The following PTPRG variants were observed in gnomAD, a reference collection of about 807,000 sequenced individuals.
PTPRG encodes the protein protein tyrosine phosphatase receptor type G, also known as receptor-type tyrosine-protein phosphatase gamma.
A neutral mutation model predicts 165.3 loss-of-function variants in PTPRG; 102 were observed. That is an observed-to-expected ratio of 0.62 (90% CI 0.53 to 0.73). PTPRG has a LOEUF of 0.73. PTPRG is among the 30% of genes least tolerant of loss of function. PTPRG has a pLI of 0.00. For synonymous variants in PTPRG, 675 were observed against 669.5 expected (o/e 1.01, Z -0.13); for missense variants, 1,866 against 1,861.4 (o/e 1.00, Z -0.05).
At chr3:61,772,026 C>T (rs1355945105) in intron 2 of PTPRG, among the ~76,000 whole-genome samples, 1 of 144,116 alleles carries the variant, frequency 6.9e-6, no homozygotes, top group Non-Finnish European at 1.5e-5. Flanking sequence ...TGCCTCTGCA[C>T]TCCAGCCTGG....
chr3:61,564,184 C>G lies in PTPRG; in HGVS notation c.85+1812C>G, dbSNP rs186800471. Among the ~76,000 whole-genome samples, 658 of 152,350 alleles carry G rather than the reference C, an allele frequency of 4.3e-3. 5 individuals are homozygous for G. The highest frequency in any genetic ancestry group is 6.8e-3 in the Non-Finnish European group (460 of 68,034). On this transcript the variant is annotated intron_variant, in intron 1 of 29. Coordinates refer to ENST00000474889, the MANE Select transcript of PTPRG (RefSeq NM_002841.4). ...ACTGCTCAGTATTTGGGTTAATCAT[C>G]TCTCCTTTCTAGTCTCCCCTGCTTT... is the stretch of plus-strand genomic sequence containing the variant.
At chr3:62,264,806 G>A (rs1206900872) in intron 17 of PTPRG, among the ~76,000 whole-genome samples, 4 of 152,008 alleles carry the variant, frequency 2.6e-5, no homozygotes, top group East Asian at 1.9e-4. Context: ...TGGTGTATAC[G>A]TAGGAGTAGA....
intron 1 of PTPRG, among the ~76,000 whole-genome samples, chr3:61,684,897 A>T (rs1703571555): frequency 6.6e-6 from 1 of 152,150 alleles, no homozygotes; most frequent in Non-Finnish European, 1.5e-5. Flanking sequence ...GATATCTGTC[A>T]CCAGAGACAC....
chr3:61,605,703 G>T (rs1023203025), intron 1 of PTPRG, among the ~76,000 whole-genome samples: 4 of 152,042 alleles, frequency 2.6e-5, no homozygotes, highest in African/African-American at 9.7e-5. Flanking sequence ...CAAGTAGCTG[G>T]GACTACGGGC....
At chr3:61,989,321 AT>A (rs2040831080) in intron 2 of PTPRG, among the ~76,000 whole-genome samples, 1 of 152,232 alleles carries the variant, frequency 6.6e-6, no homozygotes, top group South Asian at 2.1e-4. Context: ...TTTAGGAAAC[AT>A]TTAAAAATTG....
intron 1 of PTPRG, among the ~76,000 whole-genome samples, chr3:61,683,137 T>C (rs768484824): frequency 6.6e-6 from 1 of 152,188 alleles, no homozygotes; most frequent in Non-Finnish European, 1.5e-5. Context: ...TATGGAATCT[T>C]TGAGGTGTTT....
At chr3:61,835,817 T>C (rs2036440505) in intron 2 of PTPRG, among the ~76,000 whole-genome samples, 1 of 151,580 alleles carries the variant, frequency 6.6e-6, no homozygotes, top group Non-Finnish European at 1.5e-5. Flanking sequence ...GGTGGGTGGA[T>C]CACCTGAGAG....
chr3:62,261,681 T>A (rs775029185), intron 16 of PTPRG: 1 of 151,988 alleles, frequency 6.6e-6, no homozygotes, highest in African/African-American at 2.4e-5. Context: ...TGGAGAGTCA[T>A]TGAATACTGT....
At chr3:62,248,646 A>G (rs1473020656) in intron 15 of PTPRG, among the ~76,000 whole-genome samples, 4 of 152,218 alleles carry the variant, frequency 2.6e-5, no homozygotes, top group East Asian at 3.8e-4. Flanking sequence ...TTCATTATAT[A>G]TAAACTTTTA....
chr3:61,824,221 A>G (rs1343664522), intron 2 of PTPRG, among the ~76,000 whole-genome samples: 4 of 152,134 alleles, frequency 2.6e-5, no homozygotes, highest in African/African-American at 9.7e-5. Context: ...GACTATTCCT[A>G]TTGAGTTAGT....
At chr3:61,871,153 G>A (rs1018072136) in intron 2 of PTPRG, among the ~76,000 whole-genome samples, 2,049 of 124,094 alleles carry the variant, frequency 0.017, 28 homozygotes, top group Non-Finnish European at 0.026. Flanking sequence ...GTGTTGTGTT[G>A]TGTTGTGTTG....
chr3:62,195,304 C>G lies in PTPRG; in HGVS notation c.1327+134C>G. 1 of 765,776 alleles carries G rather than the reference C, an allele frequency of 1.3e-6. No individual in the cohort carries two copies. Among genetic ancestry groups the G allele is most frequent in the Non-Finnish European group, 2.1e-6 (1 of 473,692 alleles). The allele number at this position is 765,776 out of a possible 1,614,324, so 47.4% of individuals were successfully genotyped here. On this transcript the variant is annotated intron_variant, in intron 10 of 29. Coordinates refer to ENST00000474889, the MANE Select transcript of PTPRG (RefSeq NM_002841.4). This position sits in a 1 kb window ranked among gnomAD's most constrained non-coding sequence, Gnocchi z 4.4. ...GAAGAATCAGTGTAGGGTTTTAAAG[C>G]CTATGCGGGAAGCCCTAGTAATTTA...
chr3:61,734,454 A>G (rs149773532), intron 1 of PTPRG, among the ~76,000 whole-genome samples: 2 of 152,298 alleles, frequency 1.3e-5, no homozygotes, highest in East Asian at 3.9e-4. Context: ...TTAAGAACAA[A>G]TCCATTTAAT....
intron 1 of PTPRG, among the ~76,000 whole-genome samples, chr3:61,565,765 G>T (rs1049103408): frequency 6.6e-6 from 1 of 151,024 alleles, no homozygotes; most frequent in Admixed American, 6.6e-5. Flanking sequence ...GTCAGAATTG[G>T]AGGCTCCATG....
At chr3:62,086,802 A>T (rs150582265) in intron 5 of PTPRG, among the ~76,000 whole-genome samples, 1 of 152,194 alleles carries the variant, frequency 6.6e-6, no homozygotes, top group Non-Finnish European at 1.5e-5. Context: ...TTAATGTTCA[A>T]TTGCAGTTTT....
chr3:61,778,773 G>A (rs2034459188), intron 2 of PTPRG, among the ~76,000 whole-genome samples: 1 of 152,136 alleles, frequency 6.6e-6, no homozygotes, highest in Non-Finnish European at 1.5e-5. Flanking sequence ...GCAATGGTGA[G>A]GGGAAGGTCT....
intron 1 of PTPRG, among the ~76,000 whole-genome samples, chr3:61,745,290 G>A (rs1006191873): frequency 1.3e-5 from 2 of 151,898 alleles, no homozygotes; most frequent in African/African-American, 4.8e-5. Flanking sequence ...CTCATGATCC[G>A]CCCACCTTGG....
intron 2 of PTPRG, among the ~76,000 whole-genome samples, chr3:61,976,114 T>C (rs1422500459): frequency 2.0e-5 from 3 of 152,180 alleles, no homozygotes; most frequent in Admixed American, 6.5e-5. Context: ...GCAACTGACA[T>C]GGATGCATTT....
intron 4 of PTPRG, among the ~76,000 whole-genome samples, chr3:62,076,020 A>G (rs2106745530): frequency 6.6e-6 from 1 of 152,292 alleles, no homozygotes; most frequent in South Asian, 2.1e-4. Context: ...TCGTGCATGT[A>G]ATCTCAACAC....
Sources: allele counts gnomAD v4.1 joint callset (sites outside exome capture counted in the v4.1 genomes callset), GRCh38; gene constraint gnomAD v4.1.1; non-coding constraint Gnocchi (gnomAD v3.1); transcripts MANE v1.5; gene names NCBI Gene and HGNC (gene_info 2026-07-23, HGNC 2026-07-21).